SNTG2: variants seen among roughly 807,000 people sequenced by gnomAD.
SNTG2 encodes the protein gamma-2-syntrophin.
Under a neutral mutation model 70.9 loss-of-function variants are expected in SNTG2, and 74 were observed. That is an observed-to-expected ratio of 1.04 (90% CI 0.86 to 1.27). The LOEUF is 1.27. Among genes scored for constraint, SNTG2 ranks in the 50% most tolerant of loss-of-function variants. SNTG2 has a pLI of 0.00. For missense variants in SNTG2, 717 were observed against 690.7 expected (o/e 1.04, Z -0.43); for synonymous variants, 278 against 273.8 (o/e 1.02, Z -0.15).
intron 12 of SNTG2, among the ~76,000 whole-genome samples, chr2:1,253,780 G>A (rs532852906): frequency 1.3e-5 from 2 of 152,290 alleles, no homozygotes; most frequent in East Asian, 3.9e-4. Context: ...GTCTGGGGAA[G>A]CCTCAGGAAA....
At chr2:1,207,984 T>C (rs1262513295) in intron 8 of SNTG2, among the ~76,000 whole-genome samples, 1 of 152,186 alleles carries the variant, frequency 6.6e-6, no homozygotes, top group Admixed American at 6.5e-5. Flanking sequence ...CAAGCAAGTA[T>C]GAAAGACACT....
chr2:1,259,525 G>A (rs9330341), intron 13 of SNTG2, 84 bp downstream of exon 13: 177,144 of 1,130,346 alleles, frequency 0.16, 17,825 homozygotes, highest in African/African-American at 0.41. Context: ...TTTGTTCTGC[G>A]TGGTCCATTG....
chr2:968,069 C>CTTG (rs1660628294), intron 1 of SNTG2, among the ~76,000 whole-genome samples: 2 of 151,606 alleles, frequency 1.3e-5, no homozygotes, highest in African/African-American at 4.8e-5. Context: ...CCACAGATTT[C>CTTG]CTTTAGTATT....
At chr2:1,178,042 G>A (rs1671601218) in intron 8 of SNTG2, among the ~76,000 whole-genome samples, 1 of 151,980 alleles carries the variant, frequency 6.6e-6, no homozygotes, top group Non-Finnish European at 1.5e-5. Flanking sequence ...GATATCAAGG[G>A]AAAAATACAT....
At chr2:1,050,207 T>G (rs1661978716) in intron 1 of SNTG2, among the ~76,000 whole-genome samples, 3 of 152,186 alleles carry the variant, frequency 2.0e-5, no homozygotes, top group Admixed American at 1.3e-4. Context: ...TAATGTAGAC[T>G]TAGTTTATCA....
chr2:1,005,762 C>T (rs1363803971), intron 1 of SNTG2, among the ~76,000 whole-genome samples: 1 of 116,912 alleles, frequency 8.6e-6, no homozygotes, highest in Non-Finnish European at 1.8e-5. Flanking sequence ...CGAGATTGCA[C>T]CATTGCACTC....
chr2:1,138,810 A>G (rs1558445558), intron 6 of SNTG2, among the ~76,000 whole-genome samples: 1 of 152,214 alleles, frequency 6.6e-6, no homozygotes, highest in South Asian at 2.1e-4. Flanking sequence ...TATCTTTTCA[A>G]TTAGCCAACT....
chr2:1,101,697 T>G (rs1665792186), intron 4 of SNTG2, among the ~76,000 whole-genome samples: 1 of 152,198 alleles, frequency 6.6e-6, no homozygotes, highest in African/African-American at 2.4e-5. Context: ...TAGGGCGGGA[T>G]GCAGACAAAC....
intron 1 of SNTG2, among the ~76,000 whole-genome samples, chr2:975,566 C>T (rs1180504056): frequency 2.0e-5 from 3 of 152,116 alleles, no homozygotes; most frequent in African/African-American, 7.2e-5. Flanking sequence ...AGGAATAAGC[C>T]AAGAAAATAC....
chr2:1,055,593 G>GT (rs1331594436), intron 1 of SNTG2, among the ~76,000 whole-genome samples: 4 of 152,012 alleles, frequency 2.6e-5, no homozygotes, highest in Non-Finnish European at 4.4e-5. Context: ...TGCCAGAAAT[G>GT]TTTTTATCAA....
At chr2:1,068,617 C>T (rs112401666) in intron 1 of SNTG2, among the ~76,000 whole-genome samples, 2,924 of 152,220 alleles carry the variant, frequency 0.019, 48 homozygotes, top group Non-Finnish European at 0.027. Context: ...TTTGTACTGT[C>T]GCGTATTGTT....
chr2:1,044,901 G>C (rs1661641660), intron 1 of SNTG2, among the ~76,000 whole-genome samples: 1 of 151,958 alleles, frequency 6.6e-6, no homozygotes, highest in Non-Finnish European at 1.5e-5. Context: ...TGGCTTCACA[G>C]TATGAGTTAG....
At chr2:1,165,705 G>A (rs1670663797) in intron 7 of SNTG2, 70 bp downstream of exon 7, 2 of 1,276,114 alleles carry the variant, frequency 1.6e-6, no homozygotes, top group Non-Finnish European at 2.2e-6. Flanking sequence ...TTATCCAAAT[G>A]CTACCACATG....
intron 1 of SNTG2, among the ~76,000 whole-genome samples, chr2:1,050,978 C>T (rs1291248513): frequency 6.6e-6 from 1 of 152,124 alleles, no homozygotes; most frequent in Non-Finnish European, 1.5e-5. Context: ...TATGTTGAGA[C>T]ACTAAAAATA....
At chr2:1,265,828 C>T (rs762324026) in intron 13 of SNTG2, among the ~76,000 whole-genome samples, 2 of 152,216 alleles carry the variant, frequency 1.3e-5, no homozygotes, top group Admixed American at 6.5e-5. Flanking sequence ...TTTCTGCTGC[C>T]ATATGCAGGG....
intron 9 of SNTG2, 43 bp downstream of exon 9, chr2:1,209,273 G>A (rs1230096028): frequency 3.1e-6 from 5 of 1,611,600 alleles, no homozygotes; most frequent in African/African-American, 1.3e-5. Flanking sequence ...GATGAACCCC[G>A]TGCACTTTTG....
intron 14 of SNTG2, among the ~76,000 whole-genome samples, chr2:1,284,545 C>T (rs1679691493): frequency 6.6e-6 from 1 of 152,182 alleles, no homozygotes; most frequent in South Asian, 2.1e-4. Flanking sequence ...ATATATTTCT[C>T]ACCATCTACT....
chr2:1,125,537 TA>T (rs1667645237), intron 4 of SNTG2, among the ~76,000 whole-genome samples: 1 of 152,224 alleles, frequency 6.6e-6, no homozygotes, highest in South Asian at 2.1e-4. Context: ...TCAAAACCCT[TA>T]ATAACTACCA....
intron 1 of SNTG2, among the ~76,000 whole-genome samples, chr2:1,079,001 C>T (rs1664104501): frequency 6.6e-6 from 1 of 152,216 alleles, no homozygotes; most frequent in South Asian, 2.1e-4. Context: ...ATGGGAAAGA[C>T]TCAAAGTTTA....
Sources: allele counts gnomAD v4.1 joint callset (sites outside exome capture counted in the v4.1 genomes callset), GRCh38; gene constraint gnomAD v4.1.1; transcripts MANE v1.5; gene names NCBI Gene and HGNC (gene_info 2026-07-23, HGNC 2026-07-21).